BCKDHB: variants seen among roughly 807,000 people sequenced by gnomAD.
The protein encoded by BCKDHB is 2-oxoisovalerate dehydrogenase subunit beta, mitochondrial.
Under a neutral mutation model 48.5 loss-of-function variants are expected in BCKDHB, and 41 were observed. The observed-to-expected ratio is 0.85, with a 90% CI of 0.66 to 1.10. The LOEUF is 1.10. Among genes scored for constraint, BCKDHB ranks in the 50% least tolerant of loss-of-function variants. The probability of loss-of-function intolerance (pLI) is 0.00; values close to 1 mark genes in which losing one functional copy is unlikely to be tolerated. For missense variants in BCKDHB, 496 were observed against 494.2 expected (o/e 1.00, Z -0.03); for synonymous variants, 201 against 174.8 (o/e 1.15, Z -1.18).
intron 6 of BCKDHB, among the ~76,000 whole-genome samples, chr6:80,200,063 CAAAAA>C (rs55737130): frequency 6.1e-5 from 2 of 32,774 alleles, no homozygotes; most frequent in Non-Finnish European, 1.4e-4. Flanking sequence ...GACCCTGTCT[CAAAAA>C]AAAAAAAAAA....
intron 3 of BCKDHB, among the ~76,000 whole-genome samples, chr6:80,130,375 C>T (rs768623479): frequency 6.6e-6 from 1 of 151,978 alleles, no homozygotes; most frequent in South Asian, 2.1e-4. Flanking sequence ...AAATTGTTGT[C>T]TCTTTTTCTG....
At position 80,309,583 on chromosome 6, in the gene BCKDHB, TTTTG is replaced by T. The variant is rs536383356; in HGVS notation, c.1039-34053_1039-34050del. Among the ~76,000 whole-genome samples the T allele has an allele frequency of 1.5e-3, 235 of 152,198 alleles. 3 individuals carry two copies. Among genetic ancestry groups the T allele is most frequent in the South Asian group, 0.011 (51 of 4,826 alleles). On this transcript the variant is annotated intron_variant, in intron 9 of 9. Coordinates refer to ENST00000320393, the MANE Select transcript of BCKDHB (RefSeq NM_183050.4). ...TTCATGTATTTTGGCCTGTGGTTTT[TTTTG>T]TTTGTTTGTTTGTTTGTTTGTTTGT...
Position 80,343,809 on chromosome 6 carries a change from A to C in BCKDHB, c.*5A>C. ...CGAAAAATGATCAACTATTGACCATATAGGTAGGTATGCATCTTGAGAAAG... is the reference window on the plus strand; with the variant it reads ...CGAAAAATGATCAACTATTGACCATCTAGGTAGGTATGCATCTTGAGAAAG... On this transcript the variant is annotated 3_prime_UTR_variant, in exon 10 of 10. Transcript: ENST00000320393. The C allele has an allele frequency of 6.2e-7, 1 of 1,613,862 alleles. No homozygotes were observed. Among genetic ancestry groups the C allele is most frequent in the Non-Finnish European group, 8.5e-7 (1 of 1,179,844 alleles).
rs528918312 is a variant in BCKDHB, at chr6:80,112,258, C to T, written c.196+5369C>T. Among the ~76,000 whole-genome samples the T allele has an allele frequency of 3.3e-5, 5 of 152,342 alleles. No individual in the cohort carries two copies. The South Asian group carries it at 1.0e-3, about 32-fold the overall frequency. On this transcript the variant is annotated intron_variant, in intron 1 of 9. Coordinates refer to ENST00000320393, the MANE Select transcript of BCKDHB (RefSeq NM_183050.4). ...TAGCAATATAAGTCCACTGGTTTTACTGTTTGACCCAATGGGTAATCCAGT... is the reference window on the plus strand; with the variant it reads ...TAGCAATATAAGTCCACTGGTTTTATTGTTTGACCCAATGGGTAATCCAGT...
chr6:80,464,287 C>T, the BCKDHB span, among the ~76,000 whole-genome samples: 42 of 152,026 alleles, frequency 2.8e-4, no homozygotes, highest in African/African-American at 7.7e-4. Flanking sequence ...TCACCACGCC[C>T]GGCTAATTTT....
Position 80,285,783 on chromosome 6 carries a change from A to G in BCKDHB, c.1038+12562A>G, listed in dbSNP as rs1766598384. Among the ~76,000 whole-genome samples, 3 of 152,164 alleles carry G rather than the reference A, an allele frequency of 2.0e-5. No homozygotes were observed. The South Asian group carries it at 6.2e-4, about 31-fold the overall frequency. The stretch of plus-strand genomic sequence containing the variant: ...AAATAGAAGTATCCTGTAATATTAG[A>G]TGAAAGTAAGGGAATGAGGTTTGAT... On this transcript the variant is annotated intron_variant, in intron 9 of 9. Coordinates refer to ENST00000320393, the MANE Select transcript of BCKDHB (RefSeq NM_183050.4).
chr6:80,381,149 C>T, the BCKDHB span, among the ~76,000 whole-genome samples: 2 of 151,858 alleles, frequency 1.3e-5, no homozygotes, highest in East Asian at 1.9e-4. Context: ...ATTTGTATGG[C>T]CTGTTTAGAG....
chr6:80,294,724 T>C (rs575900004), intron 9 of BCKDHB, among the ~76,000 whole-genome samples: 1 of 152,274 alleles, frequency 6.6e-6, no homozygotes, highest in Non-Finnish European at 1.5e-5. Flanking sequence ...AGAACTCCGC[T>C]CTGGTAAATT....
chr6:80,416,679 G>T, the BCKDHB span, among the ~76,000 whole-genome samples: 1 of 152,060 alleles, frequency 6.6e-6, no homozygotes, highest in South Asian at 2.1e-4. Context: ...TGCATTTGCT[G>T]AGGAGTATTT....
At chr6:80,248,139 A>G (rs1297863956) in intron 8 of BCKDHB, among the ~76,000 whole-genome samples, 1 of 152,086 alleles carries the variant, frequency 6.6e-6, no homozygotes, top group Admixed American at 6.6e-5. Context: ...CTCTCTTTTC[A>G]ATGCTTTGGG....
the BCKDHB span, among the ~76,000 whole-genome samples, chr6:80,411,853 T>C: frequency 6.6e-6 from 1 of 152,244 alleles, no homozygotes; most frequent in Non-Finnish European, 1.5e-5. Context: ...GTATCAGTTT[T>C]CCAGTCTGTC....
chr6:80,171,090 C>A (rs1166629226), intron 5 of BCKDHB, among the ~76,000 whole-genome samples, 192 bp from the exon 6 acceptor site: 1 of 151,902 alleles, frequency 6.6e-6, no homozygotes, highest in Non-Finnish European at 1.5e-5. Context: ...TGATAAATAT[C>A]TGTTGAATAA....
At chr6:80,170,841 T>A (rs894800685) in intron 5 of BCKDHB, among the ~76,000 whole-genome samples, 5 of 152,178 alleles carry the variant, frequency 3.3e-5, no homozygotes, top group African/African-American at 1.2e-4. Flanking sequence ...ATATTTTTTT[T>A]CATGGGAAAA....
intron 9 of BCKDHB, among the ~76,000 whole-genome samples, chr6:80,294,378 A>G (rs1316343510): frequency 6.6e-6 from 1 of 152,244 alleles, no homozygotes; most frequent in Non-Finnish European, 1.5e-5. Context: ...TGTTTGAACA[A>G]TATGAAATCA....
intron 8 of BCKDHB, among the ~76,000 whole-genome samples, chr6:80,225,382 G>C (rs1389510477): frequency 2.0e-5 from 3 of 152,136 alleles, no homozygotes; most frequent in Admixed American, 2.0e-4. Flanking sequence ...CATATGTTAG[G>C]GATGTTGTAG....
intron 9 of BCKDHB, among the ~76,000 whole-genome samples, chr6:80,329,728 T>C (rs1582578167): frequency 6.6e-6 from 1 of 152,042 alleles, no homozygotes; most frequent in Non-Finnish European, 1.5e-5. Context: ...CTGGCAGGAG[T>C]GCTTCTCCTG....
At chr6:80,457,044 C>G in the BCKDHB span, among the ~76,000 whole-genome samples, 3 of 152,170 alleles carry the variant, frequency 2.0e-5, no homozygotes, top group Non-Finnish European at 2.9e-5. Flanking sequence ...TTTCTGAACA[C>G]AACCACTTAT....
chr6:80,397,592 C>T, the BCKDHB span, among the ~76,000 whole-genome samples: 3 of 152,146 alleles, frequency 2.0e-5, no homozygotes, highest in African/African-American at 4.8e-5. Context: ...GAATAAAAAG[C>T]TTACTCAAGG....
At chr6:80,244,624 G>T (rs1311058647) in intron 8 of BCKDHB, among the ~76,000 whole-genome samples, 1 of 152,148 alleles carries the variant, frequency 6.6e-6, no homozygotes, top group Non-Finnish European at 1.5e-5. Flanking sequence ...TGCATCTATT[G>T]TAATAGTAAC....
Sources: gnomAD v4.1 joint callset for allele counts (sites outside exome capture counted in the v4.1 genomes callset) on GRCh38, gnomAD v4.1.1 for gene constraint, MANE v1.5 for transcripts, NCBI Gene and HGNC (gene_info 2026-07-23, HGNC 2026-07-21) for gene names.